The following SNRNP200 variants were observed in gnomAD, a reference collection of about 807,000 sequenced individuals.
SNRNP200 encodes small nuclear ribonucleoprotein U5 subunit 200, also known as U5 small nuclear ribonucleoprotein 200 kDa helicase.
Under a neutral mutation model 255.2 loss-of-function variants are expected in SNRNP200, and 66 were observed. The observed-to-expected ratio is 0.26, with a 90% CI of 0.21 to 0.32. SNRNP200 has a LOEUF of 0.32. SNRNP200 is among the 10% of genes least tolerant of loss of function. The pLI is 1.00. For missense variants in SNRNP200, 1,585 were observed against 2,749.8 expected, an observed-to-expected ratio of 0.58 and a Z score of 9.47; for synonymous variants, 939 against 1,027.8, an observed-to-expected ratio of 0.91 and a Z score of 1.65.
In SNRNP200 at chr2:96,278,466, G is replaced by A; in HGVS notation, c.5488+81C>T. 2 of 1,610,820 alleles carry A rather than the reference G, an allele frequency of 1.2e-6. No homozygotes were observed. Among genetic ancestry groups the A allele is most frequent in the East Asian group, 2.2e-5 (1 of 44,870 alleles). ...CAGTGTCATCCCGCTGACAAACACG[G>A]GCGCACCTCTCATCCCAGTGGGCTC... is the stretch of plus-strand genomic sequence containing the variant. On this transcript the variant is annotated intron_variant, in intron 38 of 44. Coordinates refer to ENST00000323853, the MANE Select transcript of SNRNP200 (RefSeq NM_014014.5). This position sits in a 1 kb window ranked among gnomAD's most constrained non-coding sequence, Gnocchi z 6.9.
At chr2:96,280,769 C>T (rs1341359254) in intron 35 of SNRNP200, among the ~76,000 whole-genome samples, 3 of 151,476 alleles carry the variant, frequency 2.0e-5, no homozygotes, top group South Asian at 2.1e-4. Context: ...AGACTGGTCT[C>T]GAACTCCTGA....
intron 3 of SNRNP200, 81 bp downstream of exon 3, chr2:96,303,078 C>A (rs775585113): frequency 2.0e-6 from 3 of 1,477,944 alleles, no homozygotes; most frequent in Non-Finnish European, 1.9e-6. Context: ...CTTAGCACTT[C>A]GAAGATTCCA....
In SNRNP200 at chr2:96,297,052, T is replaced by C. The variant is rs2063921517; in HGVS notation, c.1396A>G (p.Lys466Glu). 6.2e-7 allele frequency: 1 copy of C among 1,614,190 alleles called. No individual in the cohort carries two copies. Among genetic ancestry groups the C allele is most frequent in the Non-Finnish European group, 8.5e-7 (1 of 1,180,028 alleles). ...GSEEQLLPVEKLPKYAQAGFE... is the reference protein window; with the variant it reads ...GSEEQLLPVEELPKYAQAGFE... ...CCAGCCTGGGCATACTTTGGCAGCT[T>C]TTCCACTGGAAGCAGTTGCTAGAAG... The change falls in exon 12 of 45, where the codon AAG (lysine) becomes GAG (glutamate). Residue 466 changes from lysine (K) to glutamate (E), a missense_variant. Lys to Glu is a moderately conservative substitution (Grantham distance 56). Transcript: ENST00000323853.
Position 96,295,564 on chromosome 2 carries a change from G to A in SNRNP200, c.1766C>T (p.Thr589Ile). The part of the protein sequence containing the change: ...EISATQIIVC[T>I]PEKWDIITRK... Reference sequence around the variant, plus strand: ...GGTGATGATGTCCCACTTCTCGGGGGTGCAGACGATGATCTGAGTGGCACT... The same window carrying A: ...GGTGATGATGTCCCACTTCTCGGGGATGCAGACGATGATCTGAGTGGCACT... Residue 589 changes from threonine (T) to isoleucine (I), a missense_variant, in exon 14 of 45, where the codon ACC becomes ATC. This residue lies in a region of SNRNP200 where 56 missense variants were observed against 77.4 expected (regional missense o/e 0.72). Coordinates refer to ENST00000323853, the MANE Select transcript of SNRNP200 (RefSeq NM_014014.5). 2.5e-6 allele frequency: 4 copies of A among 1,614,042 alleles called. No homozygotes were observed. Among genetic ancestry groups the A allele is most frequent in the Non-Finnish European group, 3.4e-6 (4 of 1,180,034 alleles).
intron 14 of SNRNP200, among the ~76,000 whole-genome samples, chr2:96,294,993 G>A (rs952489976): frequency 1.2e-4 from 19 of 152,190 alleles, no homozygotes; most frequent in Middle Eastern, 3.4e-3. Flanking sequence ...GGTAGATCAC[G>A]AGGTCAGGAG....
At chr2:96,299,695 A>C (rs938702024) in intron 5 of SNRNP200, among the ~76,000 whole-genome samples, 1 of 152,170 alleles carries the variant, frequency 6.6e-6, no homozygotes, top group African/African-American at 2.4e-5. Flanking sequence ...TCTAATACAC[A>C]CACAATCAAC....
At position 96,290,171 on chromosome 2, in the gene SNRNP200, G is replaced by T. The variant is rs2063875454; in HGVS notation, c.2742+155C>A. Among the ~76,000 whole-genome samples the T allele has an allele frequency of 6.6e-6, 1 of 152,150 alleles. No homozygotes were observed. Among genetic ancestry groups the T allele is most frequent in the Non-Finnish European group, 1.5e-5 (1 of 68,022 alleles). On this transcript the variant is annotated intron_variant, in intron 20 of 44. Transcript: ENST00000323853. The surrounding 1 kb of genome is among the most constrained non-coding windows in gnomAD (Gnocchi z 4.5). The stretch of plus-strand genomic sequence containing the variant: ...GATCTAAGCGTCTTCTAAGATCTTG[G>T]TAACAAGGGGAACTATCTGCCAGAC...
At chr2:96,299,277 C>T in intron 6 of SNRNP200, 52 bp downstream of exon 6, 3 of 1,537,044 alleles carry the variant, frequency 2.0e-6, no homozygotes, top group Non-Finnish European at 2.7e-6. Flanking sequence ...GGAAGAAGCA[C>T]TAACACCCAG....
chr2:96,298,772 C>G, intron 7 of SNRNP200, 43 bp downstream of exon 7: 6 of 1,614,046 alleles, frequency 3.7e-6, no homozygotes, highest in Non-Finnish European at 5.1e-6. Context: ...TCCCCATGTG[C>G]TAAGATACAC....
intron 3 of SNRNP200, 93 bp downstream of exon 3, chr2:96,303,066 T>C: frequency 7.3e-7 from 1 of 1,369,726 alleles, no homozygotes; most frequent in Non-Finnish European, 1.0e-6. Flanking sequence ...TACAAAAAGA[T>C]ACTTAGCACT....
chr2:96,279,769 T>C, intron 35 of SNRNP200: 2 of 548,922 alleles, frequency 3.6e-6, no homozygotes, highest in Non-Finnish European at 6.6e-6. Context: ...GTAAGGGCCA[T>C]GAATTTGCTG....
rs551407381 is a variant in SNRNP200, at chr2:96,290,231, C to T, written c.2742+95G>A. The stretch of plus-strand genomic sequence containing the variant: ...GGGTGCAGGGATGGAAGGCCTCGGA[C>T]GCTGCTGGCCCGCAGCACAATAGGG... On this transcript the variant is annotated intron_variant, in intron 20 of 44. Coordinates refer to ENST00000323853, the MANE Select transcript of SNRNP200 (RefSeq NM_014014.5). The surrounding 1 kb of genome is among the most constrained non-coding windows in gnomAD (Gnocchi z 4.5). The T allele has an allele frequency of 4.7e-5, 64 of 1,362,814 alleles. No individual in the cohort carries two copies. The highest frequency in any genetic ancestry group is 8.6e-5 in the African/African-American group (6 of 70,048). The allele number at this position is 1,362,814 out of a possible 1,614,324, so 84.4% of individuals were successfully genotyped here.
chr2:96,283,300 C>T lies in SNRNP200; in HGVS notation c.4816G>A (p.Asp1606Asn). The T allele has an allele frequency of 6.2e-7, 1 of 1,614,134 alleles. No homozygotes were observed. Among genetic ancestry groups the T allele is most frequent in the African/African-American group, 1.3e-5 (1 of 75,020 alleles). ...AGCAGCGTTTCCTTGAGCGTGCTGT[C>T]ACTTAGCTTCTCCAGGTACGGAATC... ...DLIPYLEKLS[D>N]STLKETLLNG... Residue 1606 changes from aspartate (D) to asparagine (N), a missense_variant, in exon 34 of 45, where the codon GAC (aspartate) becomes AAC (asparagine). Physicochemically the swap from Asp to Asn is conservative, Grantham distance 23 (BLOSUM62 1). Transcript: ENST00000323853. This position sits in a 1 kb window ranked among gnomAD's most constrained non-coding sequence, Gnocchi z 4.7.
At position 96,278,914 on chromosome 2, in the gene SNRNP200, T is replaced by C; in HGVS notation, c.5218A>G (p.Ile1740Val). 4.3e-6 allele frequency: 7 copies of C among 1,614,136 alleles called. No individual in the cohort carries two copies. Among genetic ancestry groups the C allele is most frequent in the Non-Finnish European group, 5.9e-6 (7 of 1,179,990 alleles). The change falls in exon 37 of 45, where the codon ATC (isoleucine) becomes GTC (valine). Residue 1740 changes from isoleucine to valine, a missense_variant. By Grantham distance (29) the Ile-to-Val change is conservative. Coordinates refer to ENST00000323853, the MANE Select transcript of SNRNP200 (RefSeq NM_014014.5). The surrounding 1 kb of genome is among the most constrained non-coding windows in gnomAD (Gnocchi z 6.9). ...HCMHDHFNAE[I>V]VTKTIENKQD... ...TTGTTCTCAATGGTCTTGGTGACGA[T>C]CTCAGCATTGAAGTGGTCATGCATA... is the stretch of plus-strand genomic sequence containing the variant.
intron 35 of SNRNP200, among the ~76,000 whole-genome samples, chr2:96,280,847 CCTTT>C (rs2104335780): frequency 6.8e-6 from 1 of 146,034 alleles, no homozygotes; most frequent in African/African-American, 2.5e-5. Context: ...CACACCTGGC[CCTTT>C]TTTTTTTTTT....
At chr2:96,275,236 A>G in intron 44 of SNRNP200, 21 bp downstream of exon 44, 1 of 1,614,030 alleles carries the variant, frequency 6.2e-7, no homozygotes, top group Non-Finnish European at 8.5e-7. Context: ...AACAAATGCT[A>G]GGGCCAGTGG....
In SNRNP200 at chr2:96,287,707, C is replaced by T. The variant is rs1372592877; in HGVS notation, c.3366-150G>A. 3 of 928,466 alleles carry T rather than the reference C, an allele frequency of 3.2e-6. No homozygotes were observed. Among genetic ancestry groups the T allele is most frequent in the Admixed American group, 3.4e-5 (2 of 57,986 alleles). The allele number at this position is 928,466 out of a possible 1,614,324, so 57.5% of individuals were successfully genotyped here. A position where few individuals can be genotyped will look rare whatever the true frequency, so the allele number is the denominator to read the frequency against. On this transcript the variant is annotated intron_variant, in intron 25 of 44. Transcript: ENST00000323853. This position sits in a 1 kb window ranked among gnomAD's most constrained non-coding sequence, Gnocchi z 5.7. ...ACTGTGCCAGCCCTGGCCTCCACCA[C>T]AGAGGGCCTTCCCTCTTCTCAATGT...
chr2:96,280,568 G>C (rs1473399808), intron 35 of SNRNP200, among the ~76,000 whole-genome samples: 1 of 141,408 alleles, frequency 7.1e-6, no homozygotes, highest in African/African-American at 2.6e-5. Context: ...CTTTTTTTTT[G>C]AGATGGAGTC....
chr2:96,282,592 C>CA (rs374376703), intron 34 of SNRNP200: 274 of 179,826 alleles, frequency 1.5e-3, no homozygotes, highest in African/African-American at 6.2e-3. Context: ...CTAATGGAGG[C>CA]AGAGTTCTCA....
Sources: gnomAD v4.1 joint callset for allele counts (sites outside exome capture counted in the v4.1 genomes callset) on GRCh38, gnomAD v4.1.1 for gene constraint, gnomAD v4.1.1 regional missense constraint, Gnocchi (gnomAD v3.1) non-coding constraint, MANE v1.5 for transcripts, NCBI Gene and HGNC (gene_info 2026-07-23, HGNC 2026-07-21) for gene names.